SDK1: variants seen among roughly 807,000 people sequenced by gnomAD.
SDK1 encodes the protein sidekick cell adhesion molecule 1.
In SDK1, 157 loss-of-function variants were observed where a neutral mutation model predicts 245.5. The ratio of observed to expected loss-of-function variants is 0.64; its 90% CI spans 0.56 to 0.73. The LOEUF (loss-of-function observed/expected upper bound fraction) is 0.73, where lower values mean the gene tolerates loss of function less well. SDK1 is among the 30% of genes least tolerant of loss of function. SDK1 has a pLI of 0.00. For missense variants in SDK1, 3,583 were observed against 3,002.3 expected (o/e 1.19, Z -4.52); for synonymous variants, 1,647 against 1,278.5 (o/e 1.29, Z -6.15).
At chr7:3,552,242 T>C (rs1169908809) in intron 1 of SDK1, among the ~76,000 whole-genome samples, 3 of 152,136 alleles carry the variant, frequency 2.0e-5, no homozygotes, top group Non-Finnish European at 4.4e-5. Context: ...TTTCACTGTA[T>C]TAGCAAGGAT....
chr7:3,404,046 A>C lies in SDK1; in HGVS notation c.298+102162A>C, dbSNP rs1394446654. Among the ~76,000 whole-genome samples, 3 of 151,620 alleles carry C rather than the reference A, an allele frequency of 2.0e-5. No individual in the cohort carries two copies. The East Asian group carries it at 5.8e-4, about 29-fold the overall frequency. ...CTATTTTGTAGTCTGTTAAGTGAGC[A>C]ATAGCATTATGGCTAACAAGAGTAC... On this transcript the variant is annotated intron_variant, in intron 1 of 44. Coordinates refer to ENST00000404826, the MANE Select transcript of SDK1 (RefSeq NM_152744.4).
intron 1 of SDK1, among the ~76,000 whole-genome samples, chr7:3,392,358 G>T (rs1462758252): frequency 6.6e-6 from 1 of 152,002 alleles, no homozygotes; most frequent in African/African-American, 2.4e-5. Flanking sequence ...TCAAATCTTT[G>T]TCCAATTGTG....
chr7:3,665,052 G>C (rs566717373), intron 4 of SDK1, among the ~76,000 whole-genome samples: 15 of 152,290 alleles, frequency 9.8e-5, no homozygotes, highest in African/African-American at 3.6e-4. Flanking sequence ...TGAAAGTAGA[G>C]AAATGAATTA....
chr7:3,326,766 T>G (rs1228363822), intron 1 of SDK1, among the ~76,000 whole-genome samples: 3 of 152,194 alleles, frequency 2.0e-5, no homozygotes, highest in Non-Finnish European at 4.4e-5. Flanking sequence ...TTTCAACTCA[T>G]GGCTAATTTT....
intron 17 of SDK1, among the ~76,000 whole-genome samples, chr7:4,017,792 C>T (rs149306900): frequency 5.3e-5 from 8 of 152,290 alleles, no homozygotes; most frequent in African/African-American, 1.9e-4. Flanking sequence ...GAATTTGCAA[C>T]GTGGTACTTT....
At chr7:3,639,136 A>C (rs1782566185) in intron 3 of SDK1, 26 bp downstream of exon 3, 1 of 1,363,670 alleles carries the variant, frequency 7.3e-7, no homozygotes, top group Non-Finnish European at 1.0e-6. Flanking sequence ...GGAGATGTCC[A>C]AATGTTAAAG....
At chr7:4,169,943 G>T (rs1168350971) in intron 32 of SDK1, among the ~76,000 whole-genome samples, 2 of 152,178 alleles carry the variant, frequency 1.3e-5, no homozygotes, top group Non-Finnish European at 2.9e-5. Flanking sequence ...AACGGCCATG[G>T]AGAACACTTC....
At chr7:3,974,938 G>C (rs971862897) in intron 13 of SDK1, among the ~76,000 whole-genome samples, 1 of 152,148 alleles carries the variant, frequency 6.6e-6, no homozygotes, top group Non-Finnish European at 1.5e-5. Flanking sequence ...CTGCTGAGGC[G>C]AGGTCGTTCC....
At chr7:3,879,374 G>T (rs1028041491) in intron 5 of SDK1, among the ~76,000 whole-genome samples, 1 of 152,188 alleles carries the variant, frequency 6.6e-6, no homozygotes, top group Non-Finnish European at 1.5e-5. Flanking sequence ...ACAACTGGGC[G>T]CTTTGCATCT....
At chr7:3,941,907 CTTTT>C (rs72338979) in intron 5 of SDK1, among the ~76,000 whole-genome samples, 7 of 128,192 alleles carry the variant, frequency 5.5e-5, no homozygotes, top group African/African-American at 1.8e-4. Context: ...AGACTTCATT[CTTTT>C]TTTTTTTTTT....
intron 1 of SDK1, among the ~76,000 whole-genome samples, chr7:3,577,500 C>G (rs1348452597): frequency 6.6e-6 from 1 of 151,940 alleles, no homozygotes; most frequent in Non-Finnish European, 1.5e-5. Flanking sequence ...TTTTCATGCT[C>G]TTCCCTCTTT....
chr7:4,134,561 A>C (rs1584249118), intron 28 of SDK1, among the ~76,000 whole-genome samples: 1 of 152,234 alleles, frequency 6.6e-6, no homozygotes, highest in Non-Finnish European at 1.5e-5. Flanking sequence ...TGTCCCCAGC[A>C]TGCTGTGAAA....
intron 4 of SDK1, among the ~76,000 whole-genome samples, chr7:3,696,169 C>T (rs1280213577): frequency 6.6e-6 from 1 of 152,094 alleles, no homozygotes; most frequent in South Asian, 2.1e-4. Flanking sequence ...AGATGATGTC[C>T]TGCCAACTTA....
chr7:4,108,289 G>A (rs1019983854), intron 22 of SDK1, among the ~76,000 whole-genome samples: 4 of 152,184 alleles, frequency 2.6e-5, no homozygotes, highest in Non-Finnish European at 5.9e-5. Context: ...CCCCAGGTTC[G>A]CCTAGACCCT....
At chr7:3,385,436 T>A (rs1028914520) in intron 1 of SDK1, among the ~76,000 whole-genome samples, 2 of 152,086 alleles carry the variant, frequency 1.3e-5, no homozygotes, top group African/African-American at 4.8e-5. Flanking sequence ...CATAAAAAAA[T>A]ATATTTTTTT....
intron 1 of SDK1, among the ~76,000 whole-genome samples, chr7:3,377,385 GC>G (rs1290465763): frequency 6.6e-6 from 1 of 152,134 alleles, no homozygotes; most frequent in Non-Finnish European, 1.5e-5. Flanking sequence ...CATTCCAGCT[GC>G]CCCCTGCGCT....
At chr7:4,184,268 T>C (rs1474511929) in intron 35 of SDK1, among the ~76,000 whole-genome samples, 1 of 152,250 alleles carries the variant, frequency 6.6e-6, no homozygotes, top group Non-Finnish European at 1.5e-5. Context: ...GACTTTGCTG[T>C]GGTCCCATAG....
At chr7:3,689,928 T>C (rs1784399079) in intron 4 of SDK1, among the ~76,000 whole-genome samples, 1 of 152,248 alleles carries the variant, frequency 6.6e-6, no homozygotes, top group South Asian at 2.1e-4. Flanking sequence ...CAAACAAAAA[T>C]ATTTTCAGTT....
intron 21 of SDK1, among the ~76,000 whole-genome samples, chr7:4,079,156 T>C (rs1376278546): frequency 6.6e-6 from 1 of 152,208 alleles, no homozygotes; most frequent in Non-Finnish European, 1.5e-5. Flanking sequence ...CAGCATCTGT[T>C]AATTACCTAC....
Sources: allele counts gnomAD v4.1 joint callset (sites outside exome capture counted in the v4.1 genomes callset), GRCh38; gene constraint gnomAD v4.1.1; transcripts MANE v1.5; gene names NCBI Gene and HGNC (gene_info 2026-07-23, HGNC 2026-07-21).